Variants in ZFAND3 observed in about 807,000 individuals in gnomAD.
The protein encoded by ZFAND3 is zinc finger AN1-type containing 3, also known as AN1-type zinc finger protein 3.
A neutral mutation model predicts 29.6 loss-of-function variants in ZFAND3; 10 were observed. The observed-to-expected ratio is 0.34, with a 90% confidence interval of 0.21 to 0.57. The LOEUF (loss-of-function observed/expected upper bound fraction) is 0.57. Ranked by LOEUF, ZFAND3 falls within the 20% of genes least tolerant of loss-of-function variation. The probability of loss-of-function intolerance (pLI) is 0.86; values close to 1 mark genes in which losing one functional copy is unlikely to be tolerated. For synonymous variants in ZFAND3, 128 were observed against 112.6 expected, an observed-to-expected ratio of 1.14 and a Z score of -0.87; for missense variants, 230 against 304.5, an observed-to-expected ratio of 0.76 and a Z score of 1.82.
chr6:37,984,216 G>A (rs779584788), intron 2 of ZFAND3, among the ~76,000 whole-genome samples: 2 of 152,164 alleles, frequency 1.3e-5, no homozygotes, highest in African/African-American at 4.8e-5. Flanking sequence ...GCAAGATAGA[G>A]CATGAAATTT....
At chr6:37,986,071 T>C (rs1762666490) in intron 2 of ZFAND3, among the ~76,000 whole-genome samples, 1 of 152,248 alleles carries the variant, frequency 6.6e-6, no homozygotes, top group South Asian at 2.1e-4. Context: ...CAGATACGTT[T>C]GATTTGGCCT....
rs186679407 is a variant in ZFAND3 at position 37,934,033 on chromosome 6, G to A, written c.112+4034G>A. ...CTCCCAAGTAGCTGGGATTACAGGC[G>A]TGCGCCACCACGCCTGGCTAATTTT... On this transcript the variant is annotated intron_variant, in intron 2 of 5. Transcript: ENST00000287218. Among the ~76,000 whole-genome samples, 865 of 150,482 alleles carry A rather than the reference G, an allele frequency of 5.7e-3. 8 individuals carry two copies. The highest frequency in any genetic ancestry group is 0.02 in the African/African-American group (820 of 40,932).
intron 2 of ZFAND3, among the ~76,000 whole-genome samples, chr6:37,996,136 A>T (rs913615647): frequency 6.6e-6 from 1 of 152,166 alleles, no homozygotes; most frequent in Non-Finnish European, 1.5e-5. Context: ...TTTCAAAAAA[A>T]AAAAAAGAGA....
chr6:38,132,247 C>T (rs184924826), intron 5 of ZFAND3, among the ~76,000 whole-genome samples: 2 of 152,244 alleles, frequency 1.3e-5, no homozygotes, highest in East Asian at 3.9e-4. Context: ...TGCGGTGGCT[C>T]ACACCTGTAA....
Position 38,153,498 on chromosome 6 carries a change from C to T in ZFAND3, c.*1109C>T, listed in dbSNP as rs73734315. On this transcript the variant is annotated 3_prime_UTR_variant, in exon 6 of 6. Transcript: ENST00000287218. The stretch of plus-strand genomic sequence containing the variant: ...AAGTTTAGTAAGGGAAGGCAGCATA[C>T]GTCCCAGGGACAGTGGGTTTGGATC... The T allele has an allele frequency of 6.1e-5, 60 of 985,622 alleles. No homozygotes were observed. In the Middle Eastern group the frequency reaches 2.1e-3, roughly 34 times the overall value. 61.1% of individuals were successfully genotyped at this position (985,622 alleles called of 1,614,324 possible). A position where few individuals can be genotyped will look rare whatever the true frequency, so the allele number is the denominator to read the frequency against.
Position 38,152,342 on chromosome 6 carries a change from C to A in ZFAND3, c.637C>A (p.Arg213=). ...CATCATGAAAATGGTGAAGCTGGACCGGAAAGTGGGGCGCTCCTGCCAGCG... is the reference window on the plus strand; with the variant it reads ...CATCATGAAAATGGTGAAGCTGGACAGGAAAGTGGGGCGCTCCTGCCAGCG... ...EAIMKMVKLD[R]KVGRSCQRIG... Residue 213 remains arginine, a synonymous_variant, in exon 6 of 6, where the codon CGG becomes AGG. Coordinates refer to ENST00000287218, the MANE Select transcript of ZFAND3 (RefSeq NM_021943.3). The A allele has an allele frequency of 6.2e-7, 1 of 1,609,902 alleles. No individual in the cohort carries two copies. The highest frequency in any genetic ancestry group is 8.5e-7 in the Non-Finnish European group (1 of 1,178,304).
chr6:38,028,128 A>G (rs1414218184), intron 2 of ZFAND3, among the ~76,000 whole-genome samples: 1 of 152,200 alleles, frequency 6.6e-6, no homozygotes, highest in East Asian at 1.9e-4. Flanking sequence ...GTATCCTAGA[A>G]TGACAATCAG....
chr6:38,020,825 C>T (rs891376913), intron 2 of ZFAND3, among the ~76,000 whole-genome samples: 5 of 152,144 alleles, frequency 3.3e-5, no homozygotes, highest in Admixed American at 6.5e-5. Flanking sequence ...CTTTCCACCT[C>T]TCGTATTAAA....
chr6:38,066,368 G>A (rs901881845), intron 3 of ZFAND3, among the ~76,000 whole-genome samples: 6 of 152,280 alleles, frequency 3.9e-5, no homozygotes, highest in African/African-American at 1.4e-4. Flanking sequence ...AAAGGATGGC[G>A]GAAGAGGCAG....
chr6:37,930,086 C>T, intron 2 of ZFAND3, 87 bp downstream of exon 2: 1 of 1,315,946 alleles, frequency 7.6e-7, no homozygotes, highest in South Asian at 1.5e-5. Flanking sequence ...AATCATTTGA[C>T]CCTAAAGGAT....
At chr6:37,832,129 C>T (rs910909704) in intron 1 of ZFAND3, among the ~76,000 whole-genome samples, 1 of 152,080 alleles carries the variant, frequency 6.6e-6, no homozygotes, top group Non-Finnish European at 1.5e-5. Flanking sequence ...AACCGGTTAG[C>T]CTGTGGACCA....
intron 3 of ZFAND3, among the ~76,000 whole-genome samples, chr6:38,080,984 G>A (rs1381538630): frequency 6.6e-6 from 1 of 152,046 alleles, no homozygotes. Context: ...ATTTATTCTT[G>A]CCTCATTTTC....
At chr6:38,040,120 T>C (rs1320291904) in intron 2 of ZFAND3, among the ~76,000 whole-genome samples, 1 of 152,190 alleles carries the variant, frequency 6.6e-6, no homozygotes, top group Non-Finnish European at 1.5e-5. Context: ...GCCTGCATTT[T>C]CTACTTTTTT....
chr6:37,928,135 T>C (rs1212016087), intron 1 of ZFAND3, among the ~76,000 whole-genome samples: 1 of 152,240 alleles, frequency 6.6e-6, no homozygotes, highest in Non-Finnish European at 1.5e-5. Flanking sequence ...TATCTACTTG[T>C]TGACAGCATC....
chr6:38,072,422 A>G (rs1561988892), intron 3 of ZFAND3, among the ~76,000 whole-genome samples: 1 of 152,196 alleles, frequency 6.6e-6, no homozygotes, highest in Admixed American at 6.5e-5. Context: ...AAGCAACATC[A>G]TCACTGTCCC....
chr6:37,933,877 T>G (rs1761643195), intron 2 of ZFAND3, among the ~76,000 whole-genome samples: 1 of 147,026 alleles, frequency 6.8e-6, no homozygotes, highest in Admixed American at 7.2e-5. Flanking sequence ...AGGATCTCTC[T>G]CTCTCATTTT....
chr6:38,082,612 G>C (rs1764685761), intron 4 of ZFAND3, among the ~76,000 whole-genome samples, 155 bp downstream of exon 4: 1 of 152,138 alleles, frequency 6.6e-6, no homozygotes, highest in African/African-American at 2.4e-5. Context: ...AGTGTCAGCA[G>C]AGGTCAGAAT....
Position 37,893,279 on chromosome 6 carries a change from T to G in ZFAND3, c.72-36680T>G, listed in dbSNP as rs1765136389. On this transcript the variant is annotated intron_variant, in intron 1 of 5. Transcript: ENST00000287218. Reference sequence around the variant, plus strand: ...GATAATCTCAGGAGTATAAGGTTGGTTTAACATCTGAAAATCAATTAATGT... The same window carrying G: ...GATAATCTCAGGAGTATAAGGTTGGGTTAACATCTGAAAATCAATTAATGT... Among the ~76,000 whole-genome samples the G allele has an allele frequency of 5.3e-5, 8 of 152,202 alleles. No homozygotes were observed. The South Asian group carries it at 1.7e-3, about 31-fold the overall frequency.
intron 1 of ZFAND3, among the ~76,000 whole-genome samples, chr6:37,881,864 C>T (rs1764902635): frequency 6.6e-6 from 1 of 151,510 alleles, no homozygotes; most frequent in Non-Finnish European, 1.5e-5. Context: ...AAAAAAAAAA[C>T]ATTCCTTTGG....
Sources: gnomAD v4.1 joint callset for allele counts (sites outside exome capture counted in the v4.1 genomes callset) on GRCh38, gnomAD v4.1.1 for gene constraint, MANE v1.5 for transcripts, NCBI Gene and HGNC (gene_info 2026-07-23, HGNC 2026-07-21) for gene names.